TIAM2: variants seen among roughly 807,000 people sequenced by gnomAD.
TIAM2 encodes the protein rho guanine nucleotide exchange factor TIAM2.
TIAM2 carries 80 observed loss-of-function variants against 152.9 expected under a neutral mutation model. That is an observed-to-expected ratio of 0.52 (90% CI 0.44 to 0.63). TIAM2 has a LOEUF of 0.63. Among genes scored for constraint, TIAM2 ranks in the 30% least tolerant of loss-of-function variants. TIAM2 has a pLI of 0.00. For missense variants in TIAM2, 1,965 were observed against 2,120.1 expected, an observed-to-expected ratio of 0.93 and a Z score of 1.44; for synonymous variants, 804 against 838.0, an observed-to-expected ratio of 0.96 and a Z score of 0.70.
chr6:155,137,807 C>A (rs990527957), intron 5 of TIAM2, among the ~76,000 whole-genome samples, 195 bp downstream of exon 5: 1 of 152,190 alleles, frequency 6.6e-6, no homozygotes, highest in Non-Finnish European at 1.5e-5. Flanking sequence ...ATGTATTATG[C>A]AGTTCAATAA....
chr6:155,079,516 G>T (rs567590131), intron 1 of TIAM2, among the ~76,000 whole-genome samples: 19 of 152,350 alleles, frequency 1.2e-4, no homozygotes, highest in Admixed American at 9.8e-4. Flanking sequence ...AACCTTGCTA[G>T]AAATTGGGAC....
chr6:155,024,024 T>C (rs1381593273), intron 1 of TIAM2, among the ~76,000 whole-genome samples: 1 of 152,050 alleles, frequency 6.6e-6, no homozygotes, highest in African/African-American at 2.4e-5. Flanking sequence ...TGCATGCGGC[T>C]CTCCAGGACA....
At chr6:155,182,452 G>C (rs759719907) in intron 13 of TIAM2, 134 bp downstream of exon 13, 1 of 761,502 alleles carries the variant, frequency 1.3e-6, no homozygotes, top group Non-Finnish European at 2.1e-6. Context: ...GTAAACGTAA[G>C]AGTTTAATTG....
At chr6:155,245,537 C>T in intron 18 of TIAM2, 86 bp from the exon 19 acceptor site, 1 of 1,116,956 alleles carries the variant, frequency 9.0e-7, no homozygotes, top group Non-Finnish European at 1.4e-6. Context: ...TGGAATCTGA[C>T]AGAAGCCATG....
At position 155,183,393 on chromosome 6, in the gene TIAM2, C is replaced by A; in HGVS notation, c.2957C>A (p.Ser986Ter). The change falls in exon 14 of 27, where the codon TCA (serine) becomes TAA (stop). Residue 986 changes from serine (S) to a stop codon, truncating the protein, a stop_gained. Coordinates refer to ENST00000682666, the MANE Select transcript of TIAM2 (RefSeq NM_012454.4). LOFTEE classifies it high-confidence loss of function. ...DTKATLCTSWSDSDLFSRDQK... is the reference protein window; with the variant it reads ...DTKATLCTSW Reference sequence around the variant, plus strand: ...AAAGCAACCCTGTGTACATCCTGGTCAGACAGTGACCTGTTCTCCAGGGAC... The same window carrying A: ...AAAGCAACCCTGTGTACATCCTGGTAAGACAGTGACCTGTTCTCCAGGGAC... 1 of 1,613,694 alleles carries A rather than the reference C, an allele frequency of 6.2e-7. No homozygotes were observed. Among genetic ancestry groups the A allele is most frequent in the South Asian group, 1.1e-5 (1 of 91,048 alleles).
chr6:155,219,965 G>A (rs757610145), intron 15 of TIAM2, among the ~76,000 whole-genome samples: 21 of 152,248 alleles, frequency 1.4e-4, no homozygotes, highest in Admixed American at 4.6e-4. Context: ...TGGAGAGCTT[G>A]TCCTGTAGAG....
intron 14 of TIAM2, among the ~76,000 whole-genome samples, chr6:155,201,895 G>C (rs1025926324): frequency 6.6e-6 from 1 of 152,228 alleles, no homozygotes; most frequent in Non-Finnish European, 1.5e-5. Context: ...ATTGGAATGT[G>C]ACCTCAGGTT....
chr6:155,226,724 T>TA (rs967116074), intron 15 of TIAM2, among the ~76,000 whole-genome samples: 7 of 152,232 alleles, frequency 4.6e-5, no homozygotes, highest in African/African-American at 1.2e-4. Context: ...TTTAAATGCT[T>TA]AAAAAAATCT....
chr6:155,098,936 C>A (rs547509633), intron 2 of TIAM2, among the ~76,000 whole-genome samples: 1 of 152,210 alleles, frequency 6.6e-6, no homozygotes, highest in South Asian at 2.1e-4. Flanking sequence ...GCCTGTAATC[C>A]CAGCACTTTG....
At chr6:155,151,540 T>C (rs1310537305) in intron 7 of TIAM2, among the ~76,000 whole-genome samples, 1 of 152,212 alleles carries the variant, frequency 6.6e-6, no homozygotes, top group African/African-American at 2.4e-5. Context: ...ATTCAGCCCA[T>C]AGTGGTCTTG....
In TIAM2 at chr6:155,249,872, A is replaced by T; in HGVS notation, c.3854A>T (p.Lys1285Ile). ...HLTEALKAME[K>I]VASHINEMQK... ...GCAGAAGCACTAAAGGCAATGGAGA[A>T]AGTAGCGAGCCACATCAATGAGATG... The change falls in exon 21 of 27, where the codon AAA becomes ATA. Residue 1285 changes from lysine to isoleucine, a missense_variant. Physicochemically the swap from Lys to Ile is moderately radical, Grantham distance 102 (BLOSUM62 -3). This residue lies in a region of TIAM2 where 935 missense variants were observed against 980.0 expected (regional missense o/e 0.95). Transcript: ENST00000682666. The T allele has an allele frequency of 6.2e-7, 1 of 1,613,738 alleles. No homozygotes were observed. The highest frequency in any genetic ancestry group is 1.1e-5 in the South Asian group (1 of 90,958).
intron 15 of TIAM2, chr6:155,216,794 C>T: frequency 3.1e-6 from 2 of 648,132 alleles, no homozygotes; most frequent in African/African-American, 2.0e-5. Flanking sequence ...CCATTGTCTC[C>T]ACGTCTGTGG....
At position 155,257,132 on chromosome 6, in the gene TIAM2, T is replaced by C. The variant is rs371618639; in HGVS notation, c.*11T>C. ...CACGGAAAATCATAGTATGATTCAATCCAGATATGGGTTAAATTCCTCATT... is the reference window on the plus strand; with the variant it reads ...CACGGAAAATCATAGTATGATTCAACCCAGATATGGGTTAAATTCCTCATT... On this transcript the variant is annotated 3_prime_UTR_variant, in exon 27 of 27. Transcript: ENST00000682666. 1.0e-4 allele frequency: 163 copies of C among 1,582,972 alleles called. No homozygotes were observed. The highest frequency in any genetic ancestry group is 1.4e-4 in the Non-Finnish European group (160 of 1,165,096).
Position 155,095,001 on chromosome 6 carries a change from G to C in TIAM2, c.-118+4622G>C, listed in dbSNP as rs188650485. 3.3e-5 allele frequency among the ~76,000 whole-genome samples: 5 copies of C among 152,030 alleles called. No individual in the cohort carries two copies. The East Asian group carries it at 9.7e-4, about 29-fold the overall frequency. On this transcript the variant is annotated intron_variant, in intron 2 of 26. Transcript: ENST00000682666. ...TCCTCCCTCTTTTTCAGTTCTCCAT[G>C]GTCATGGAGAAGGAGTTGCCTGGCA...
At chr6:155,046,893 A>G (rs911840257) in intron 1 of TIAM2, among the ~76,000 whole-genome samples, 3 of 152,162 alleles carry the variant, frequency 2.0e-5, no homozygotes, top group Non-Finnish European at 4.4e-5. Flanking sequence ...TTGGAAGCTC[A>G]GTGTGAGATG....
chr6:155,051,650 T>C (rs1266156496), intron 1 of TIAM2, among the ~76,000 whole-genome samples: 1 of 152,088 alleles, frequency 6.6e-6, no homozygotes, highest in African/African-American at 2.4e-5. Flanking sequence ...GTGGCTCTTA[T>C]TGTTTTTTTT....
At chr6:155,242,072 T>C (rs1038169379) in intron 16 of TIAM2, among the ~76,000 whole-genome samples, 1 of 152,184 alleles carries the variant, frequency 6.6e-6, no homozygotes, top group African/African-American at 2.4e-5. Flanking sequence ...ATGGGTGAAG[T>C]AGACAAGGAC....
chr6:155,021,503 C>A (rs911862208), intron 1 of TIAM2, among the ~76,000 whole-genome samples: 2 of 152,102 alleles, frequency 1.3e-5, no homozygotes, highest in African/African-American at 4.8e-5. Flanking sequence ...CTCATGTGAT[C>A]CGCCCGCTGC....
At chr6:155,155,733 C>T (rs1397922278) in intron 7 of TIAM2, among the ~76,000 whole-genome samples, 3 of 152,374 alleles carry the variant, frequency 2.0e-5, no homozygotes, top group Middle Eastern at 3.4e-3. Flanking sequence ...CCTTGGCCTC[C>T]CAAAGTGTTG....
Sources: allele counts gnomAD v4.1 joint callset (sites outside exome capture counted in the v4.1 genomes callset), GRCh38; gene constraint gnomAD v4.1.1; regional missense constraint gnomAD v4.1.1; transcripts MANE v1.5; gene names NCBI Gene and HGNC (gene_info 2026-07-23, HGNC 2026-07-21).